DPP10: variants seen among roughly 807,000 people sequenced by gnomAD.
The protein encoded by DPP10 is inactive dipeptidyl peptidase 10.
In DPP10, 33 loss-of-function variants were observed where a neutral mutation model predicts 120.9. The ratio of observed to expected loss-of-function variants is 0.27; its 90% CI spans 0.21 to 0.37. The LOEUF (loss-of-function observed/expected upper bound fraction) is 0.37, where lower values mean the gene tolerates loss of function less well. Ranked by LOEUF, DPP10 falls within the 10% of genes least tolerant of loss-of-function variation. The pLI is 1.00. For missense variants in DPP10, 816 were observed against 942.8 expected (o/e 0.87, Z 1.76); for synonymous variants, 337 against 326.1 (o/e 1.03, Z -0.36).
chr2:115,138,968 A>G (rs1177633559), intron 1 of DPP10, among the ~76,000 whole-genome samples: 1 of 152,164 alleles, frequency 6.6e-6, no homozygotes, highest in Non-Finnish European at 1.5e-5. Context: ...CAGTAAAAAA[A>G]ATGAATTGCA....
intron 7 of DPP10, among the ~76,000 whole-genome samples, chr2:115,727,029 T>G (rs1383985664): frequency 6.6e-6 from 1 of 152,158 alleles, no homozygotes; most frequent in Non-Finnish European, 1.5e-5. Flanking sequence ...TTTCAAGTAT[T>G]TGGCATTGAA....
At chr2:115,484,995 C>T (rs1014377661) in intron 3 of DPP10, among the ~76,000 whole-genome samples, 8 of 151,928 alleles carry the variant, frequency 5.3e-5, no homozygotes, top group African/African-American at 1.2e-4. Context: ...CGCTTGAACC[C>T]GGGAGGCAGA....
intron 1 of DPP10, among the ~76,000 whole-genome samples, chr2:114,583,047 G>A (rs1690668187): frequency 6.6e-6 from 1 of 152,178 alleles, no homozygotes. Context: ...GAAGCACTTT[G>A]AGAACACTTG....
chr2:115,367,654 G>A (rs2065157951), intron 3 of DPP10, among the ~76,000 whole-genome samples: 1 of 151,832 alleles, frequency 6.6e-6, no homozygotes, highest in Admixed American at 6.6e-5. Context: ...ACTTTAACGA[G>A]GTGCAATATC....
rs947003014 is a variant in DPP10, at chr2:115,816,363, C to T, written c.1950+634C>T. Among the ~76,000 whole-genome samples, 12 of 152,120 alleles carry T rather than the reference C, an allele frequency of 7.9e-5. No homozygotes were observed. In the South Asian group the frequency reaches 1.0e-3, roughly 13 times the overall value. ...AACCTATACCTAAATAACAAATGGACGCTGGTCAAATAAATCTCTTGAAGC... is the reference window on the plus strand; with the variant it reads ...AACCTATACCTAAATAACAAATGGATGCTGGTCAAATAAATCTCTTGAAGC... On this transcript the variant is annotated intron_variant, in intron 21 of 25. Transcript: ENST00000410059.
intron 1 of DPP10, among the ~76,000 whole-genome samples, chr2:115,137,480 A>G (rs565576287): frequency 1.8e-4 from 28 of 152,336 alleles, no homozygotes; most frequent in African/African-American, 6.0e-4. Flanking sequence ...GGATAGCGAC[A>G]TAGGGAGAGA....
chr2:115,617,100 T>G (rs1348028588), intron 5 of DPP10, among the ~76,000 whole-genome samples: 1 of 150,094 alleles, frequency 6.7e-6, no homozygotes, highest in Non-Finnish European at 1.5e-5. Flanking sequence ...ATTTTAGAAT[T>G]TTTTTCAGGT....
intron 1 of DPP10, among the ~76,000 whole-genome samples, chr2:114,773,606 G>A (rs12479372): frequency 6.6e-6 from 1 of 152,080 alleles, no homozygotes; most frequent in South Asian, 2.1e-4. Flanking sequence ...TTAAATTAAT[G>A]TCCTTTACAT....
chr2:114,577,442 C>T (rs1176521884), intron 1 of DPP10, among the ~76,000 whole-genome samples: 1 of 152,188 alleles, frequency 6.6e-6, no homozygotes, highest in Admixed American at 6.5e-5. Context: ...CTGGGACCCA[C>T]CGGACTCATG....
chr2:115,535,291 A>G (rs1445188551), intron 5 of DPP10, among the ~76,000 whole-genome samples: 8 of 147,144 alleles, frequency 5.4e-5, no homozygotes, highest in Non-Finnish European at 9.1e-5. Context: ...ATTTTTTTAT[A>G]AGGTGTAAGG....
chr2:115,296,972 T>A (rs1216077926), intron 1 of DPP10, among the ~76,000 whole-genome samples: 1 of 152,112 alleles, frequency 6.6e-6, no homozygotes, highest in Non-Finnish European at 1.5e-5. Flanking sequence ...TAATAGTTAA[T>A]CCTCAAGAAC....
chr2:115,338,046 T>G (rs1179889131), intron 2 of DPP10, among the ~76,000 whole-genome samples: 1 of 152,058 alleles, frequency 6.6e-6, no homozygotes, highest in Non-Finnish European at 1.5e-5. Context: ...TTAAAAAATA[T>G]TATTAAAATT....
intron 1 of DPP10, among the ~76,000 whole-genome samples, chr2:115,235,259 G>T (rs988065194): frequency 6.6e-6 from 1 of 152,122 alleles, no homozygotes; most frequent in African/African-American, 2.4e-5. Context: ...TATACCAAGG[G>T]AGTGGGACAA....
intron 1 of DPP10, among the ~76,000 whole-genome samples, chr2:114,981,186 A>G (rs1261211843): frequency 6.6e-6 from 1 of 152,162 alleles, no homozygotes; most frequent in Non-Finnish European, 1.5e-5. Flanking sequence ...TCCTGAAAAG[A>G]CTTTCAGCTG....
chr2:115,469,347 A>G (rs2074537562), intron 3 of DPP10, among the ~76,000 whole-genome samples: 1 of 152,218 alleles, frequency 6.6e-6, no homozygotes, highest in African/African-American at 2.4e-5. Flanking sequence ...TGCTGATTAA[A>G]TTTTAGATGA....
chr2:114,946,490 T>A (rs1352520527), intron 1 of DPP10, among the ~76,000 whole-genome samples: 1 of 152,110 alleles, frequency 6.6e-6, no homozygotes, highest in Non-Finnish European at 1.5e-5. Flanking sequence ...TCTTCCACAA[T>A]TAAAACTAAA....
intron 1 of DPP10, among the ~76,000 whole-genome samples, chr2:115,242,672 ATT>A (rs539909325): frequency 2.3e-4 from 28 of 124,128 alleles, no homozygotes; most frequent in Admixed American, 3.3e-4. Context: ...GCCAACATCT[ATT>A]TTTTTTTTTT....
chr2:114,811,311 T>C (rs1329778894), intron 1 of DPP10, among the ~76,000 whole-genome samples: 5 of 152,194 alleles, frequency 3.3e-5, no homozygotes, highest in Non-Finnish European at 5.9e-5. Context: ...GGAGGAGATA[T>C]GTCTGGGAAC....
intron 19 of DPP10, among the ~76,000 whole-genome samples, chr2:115,792,207 A>G (rs1046376970): frequency 1.3e-5 from 2 of 152,110 alleles, no homozygotes; most frequent in Admixed American, 6.6e-5. Flanking sequence ...TTAACCTCCT[A>G]CAAGGCTAAG....
Sources: allele counts gnomAD v4.1 joint callset (sites outside exome capture counted in the v4.1 genomes callset), GRCh38; gene constraint gnomAD v4.1.1; transcripts MANE v1.5; gene names NCBI Gene and HGNC (gene_info 2026-07-23, HGNC 2026-07-21).